ENTPD7: variants seen among roughly 807,000 people sequenced by gnomAD.
ENTPD7 encodes ectonucleoside triphosphate diphosphohydrolase 7.
ENTPD7 carries 53 observed loss-of-function variants against 77.9 expected under a neutral mutation model. The observed-to-expected ratio is 0.68, with a 90% CI of 0.55 to 0.85. ENTPD7 has a LOEUF of 0.85. Ranked by LOEUF, ENTPD7 falls within the 40% of genes least tolerant of loss-of-function variation. The pLI is 0.00. For missense variants in ENTPD7, 636 were observed against 743.7 expected (o/e 0.86, Z 1.68); for synonymous variants, 248 against 274.9 (o/e 0.90, Z 0.97).
chr10:99,660,267 A>G, intron 2 of ENTPD7: 2 of 980,082 alleles, frequency 2.0e-6, no homozygotes, highest in Non-Finnish European at 2.4e-6. Flanking sequence ...TGAGGAGGTT[A>G]AACAAAGAAG....
intron 5 of ENTPD7, among the ~76,000 whole-genome samples, chr10:99,682,220 G>A (rs1483557068): frequency 7.0e-6 from 1 of 143,832 alleles, no homozygotes; most frequent in African/African-American, 2.6e-5. Flanking sequence ...TTTTTACAAC[G>A]TTTAAATTTT....
chr10:99,665,557 C>T (rs1407844923), intron 3 of ENTPD7, among the ~76,000 whole-genome samples: 1 of 152,180 alleles, frequency 6.6e-6, no homozygotes, highest in Non-Finnish European at 1.5e-5. Context: ...ATTTGAGCAG[C>T]CACTATGTGC....
intron 3 of ENTPD7, among the ~76,000 whole-genome samples, chr10:99,665,282 A>G (rs952930817): frequency 2.6e-5 from 4 of 151,698 alleles, no homozygotes; most frequent in Middle Eastern, 3.4e-3. Context: ...GAAGAAAAAC[A>G]GCAGACAGTA....
chr10:99,698,232 C>T (rs1051837947), intron 9 of ENTPD7, among the ~76,000 whole-genome samples: 1 of 152,154 alleles, frequency 6.6e-6, no homozygotes, highest in Non-Finnish European at 1.5e-5. Flanking sequence ...TTAGGAGGTA[C>T]GTGGGAATGA....
chr10:99,693,591 A>G (rs2035917938), intron 8 of ENTPD7, among the ~76,000 whole-genome samples: 1 of 152,206 alleles, frequency 6.6e-6, no homozygotes. Context: ...CAACACTGGT[A>G]CGGAATGCAT....
intron 3 of ENTPD7, among the ~76,000 whole-genome samples, chr10:99,674,220 G>A (rs980251017): frequency 2.0e-5 from 3 of 152,180 alleles, no homozygotes; most frequent in Non-Finnish European, 4.4e-5. Flanking sequence ...GTTCTCAAGA[G>A]TGTTTAGTGG....
At chr10:99,665,485 ATT>A (rs1200067303) in intron 3 of ENTPD7, among the ~76,000 whole-genome samples, 1 of 151,928 alleles carries the variant, frequency 6.6e-6, no homozygotes, top group African/African-American at 2.4e-5. Context: ...AGATTTTCTC[ATT>A]TCCCATTCAC....
Position 99,711,126 on chromosome 10 carries a change from C to T in ENTPD7, c.*6443C>T. The T allele has an allele frequency of 1.0e-6, 1 of 984,858 alleles. No homozygotes were observed. Among genetic ancestry groups the T allele is most frequent in the South Asian group, 4.7e-5 (1 of 21,268 alleles). 61.0% of individuals were successfully genotyped at this position (984,858 alleles called of 1,614,324 possible). On this transcript the variant is annotated 3_prime_UTR_variant, in exon 13 of 13. Transcript: ENST00000370489. ...CAAAAAAAACCCTAAGATAATCATTCACCAGAAGCTCATAGATATAATACA... is the reference window on the plus strand; with the variant it reads ...CAAAAAAAACCCTAAGATAATCATTTACCAGAAGCTCATAGATATAATACA...
Position 99,710,992 on chromosome 10 carries a change from T to C in ENTPD7, c.*6309T>C. The C allele has an allele frequency of 3.0e-6, 3 of 985,286 alleles. No homozygotes were observed. The highest frequency in any genetic ancestry group is 4.7e-5 in the South Asian group (1 of 21,290). The allele number at this position is 985,286 out of a possible 1,614,324, so 61.0% of individuals were successfully genotyped here. A position where few individuals can be genotyped will look rare whatever the true frequency, so the allele number is the denominator to read the frequency against. On this transcript the variant is annotated 3_prime_UTR_variant, in exon 13 of 13. Coordinates refer to ENST00000370489, the MANE Select transcript of ENTPD7 (RefSeq NM_020354.5). ...TATAGGTATGTGATGACTTGTTTTT[T>C]TGGAAAAAGGTATTTGGAACATCAA...
chr10:99,702,401 G>C (rs1590064536), intron 11 of ENTPD7, 111 bp from the exon 12 acceptor site: 3 of 883,066 alleles, frequency 3.4e-6, no homozygotes, highest in Non-Finnish European at 4.9e-6. Context: ...AGGTGAAGCG[G>C]GAGGAGGTAG....
At chr10:99,677,359 CTTTTTT>C (rs560338561) in intron 3 of ENTPD7, among the ~76,000 whole-genome samples, 1 of 93,806 alleles carries the variant, frequency 1.1e-5, no homozygotes, top group Admixed American at 1.3e-4. Flanking sequence ...GGGCAGATAG[CTTTTTT>C]TTTTTTTTTT....
intron 11 of ENTPD7, among the ~76,000 whole-genome samples, chr10:99,701,277 G>A (rs1343093155): frequency 7.7e-6 from 1 of 129,058 alleles, no homozygotes; most frequent in Non-Finnish European, 1.6e-5. Flanking sequence ...CAAGTGATTT[G>A]ACAACAAAAG....
chr10:99,691,419 A>C lies in ENTPD7; in HGVS notation c.744A>C (p.Ala248=), dbSNP rs192655451. 9.3e-6 allele frequency: 15 copies of C among 1,613,886 alleles called. No individual in the cohort carries two copies. In the East Asian group the frequency reaches 2.5e-4, roughly 26 times the overall value. ...SDAEATQELA[A]GRRRTVGILD... ...CTGAGGCTACCCAGGAATTGGCAGC[A>C]GGACGGAGAAGGACAGTAGGGATAC... Residue 248 remains alanine (A), a synonymous_variant, in exon 8 of 13, where the codon GCA becomes GCC. Coordinates refer to ENST00000370489, the MANE Select transcript of ENTPD7 (RefSeq NM_020354.5).
chr10:99,710,120 T>C lies in ENTPD7; in HGVS notation c.*5437T>C. 1.0e-6 allele frequency: 1 copy of C among 985,452 alleles called. No individual in the cohort carries two copies. The highest frequency in any genetic ancestry group is 1.2e-6 in the Non-Finnish European group (1 of 829,934). The allele number at this position is 985,452 out of a possible 1,614,324, so 61.0% of individuals were successfully genotyped here. On this transcript the variant is annotated 3_prime_UTR_variant, in exon 13 of 13. Coordinates refer to ENST00000370489, the MANE Select transcript of ENTPD7 (RefSeq NM_020354.5). ...TTCTTTTAAAGGGCAACCACTTGTATACCCTCTGGTGGCCACTCCTCCTTC... is the reference window on the plus strand; with the variant it reads ...TTCTTTTAAAGGGCAACCACTTGTACACCCTCTGGTGGCCACTCCTCCTTC...
intron 6 of ENTPD7, among the ~76,000 whole-genome samples, chr10:99,686,671 C>G (rs761140802): frequency 2.5e-4 from 38 of 151,978 alleles, no homozygotes; most frequent in Non-Finnish European, 4.6e-4. Flanking sequence ...TATGGTTGCT[C>G]TAATATCTTT....
intron 3 of ENTPD7, among the ~76,000 whole-genome samples, chr10:99,666,461 G>A (rs528713425): frequency 1.1e-4 from 16 of 152,152 alleles, no homozygotes; most frequent in South Asian, 4.2e-4. Flanking sequence ...CACCTGCCTC[G>A]GCCTCTCAAA....
Position 99,679,396 on chromosome 10 carries a change from C to A in ENTPD7, c.327C>A (p.Pro109=), listed in dbSNP as rs1446989877. The A allele has an allele frequency of 6.2e-7, 1 of 1,613,936 alleles. No homozygotes were observed. The highest frequency in any genetic ancestry group is 8.5e-7 in the Non-Finnish European group (1 of 1,180,016). The part of the protein sequence containing the change: ...VYFWPRHNGN[P]HDLLDIKQMR... ...TCTGGCCAAGACATAATGGGAACCC[C>A]CATGACTTGCTGGACATCAAACAGA... Residue 109 remains proline (P), a synonymous_variant, in exon 4 of 13, where the codon CCC becomes CCA. Coordinates refer to ENST00000370489, the MANE Select transcript of ENTPD7 (RefSeq NM_020354.5).
chr10:99,698,684 C>T lies in ENTPD7; in HGVS notation c.1161C>T (p.Ser387=), dbSNP rs773157675. The part of the protein sequence containing the change: ...GDWVSCGAML[S]PLLARSNTSQ... ...GGGTGTCTTGTGGGGCAATGCTGAGCCCCCTGCTGGCTCGCTCCAACACCA... is the reference window on the plus strand; with the variant it reads ...GGGTGTCTTGTGGGGCAATGCTGAGTCCCCTGCTGGCTCGCTCCAACACCA... Residue 387 remains serine (S), a synonymous_variant, in exon 10 of 13, where the codon AGC becomes AGT. Transcript: ENST00000370489. The T allele has an allele frequency of 2.7e-5, 44 of 1,614,134 alleles. No individual in the cohort carries two copies. The South Asian group carries it at 4.8e-4, about 18-fold the overall frequency.
intron 3 of ENTPD7, among the ~76,000 whole-genome samples, chr10:99,665,026 G>A (rs1048504688): frequency 6.6e-6 from 1 of 151,870 alleles, no homozygotes; most frequent in African/African-American, 2.4e-5. Context: ...GGAGGCAGGT[G>A]GATTGCACGA....
Sources: allele counts gnomAD v4.1 joint callset (sites outside exome capture counted in the v4.1 genomes callset), GRCh38; gene constraint gnomAD v4.1.1; transcripts MANE v1.5; gene names NCBI Gene and HGNC (gene_info 2026-07-23, HGNC 2026-07-21).